The following GP1BB variants were observed in gnomAD, a reference collection of about 807,000 sequenced individuals.
The protein encoded by GP1BB is glycoprotein Ib platelet subunit beta, also known as platelet glycoprotein Ib beta chain.
GP1BB carries 3 observed loss-of-function variants against 2.5 expected under a neutral mutation model. The observed-to-expected ratio is 1.22, with a 90% CI of 0.56 to 3.15. The LOEUF is 3.15. GP1BB is among the 30% of genes most tolerant of loss of function. The pLI is 0.03. For synonymous variants in GP1BB, 191 were observed against 167.5 expected (o/e 1.14, Z -1.08); for missense variants, 316 against 307.0 (o/e 1.03, Z -0.22).
Position 19,724,666 on chromosome 22 carries a change from C to A in GP1BB, c.*202C>A. 1.7e-6 allele frequency: 1 copy of A among 597,444 alleles called. No homozygotes were observed. Among genetic ancestry groups the A allele is most frequent in the South Asian group, 1.9e-5 (1 of 53,974 alleles). 37.0% of individuals were successfully genotyped at this position (597,444 alleles called of 1,614,324 possible). A position where few individuals can be genotyped will look rare whatever the true frequency, so the allele number is the denominator to read the frequency against. On this transcript the variant is annotated 3_prime_UTR_variant, in exon 2 of 2. Coordinates refer to ENST00000366425, the MANE Select transcript of GP1BB (RefSeq NM_000407.5). ...CCTGCCCACCCTACCCCGAGGGAGGCGAACCCGCACTTCCAGGCTTGGGAG... is the reference window on the plus strand; with the variant it reads ...CCTGCCCACCCTACCCCGAGGGAGGAGAACCCGCACTTCCAGGCTTGGGAG...
Position 19,724,139 on chromosome 22 carries a change from C to G in GP1BB, c.296C>G (p.Pro99Arg). Residue 99 changes from proline to arginine, a missense_variant, in exon 2 of 2, where the codon CCG (proline) becomes CGG (arginine). Coordinates refer to ENST00000366425, the MANE Select transcript of GP1BB (RefSeq NM_000407.5). ...NPWRCDCRLV[P>R]LRAWLAGRPE... ...TGGCGCTGCGACTGCCGCCTTGTGC[C>G]GCTGCGCGCCTGGCTGGCCGGCCGC... 1.5e-6 allele frequency: 2 copies of G among 1,361,312 alleles called. No homozygotes were observed. Among genetic ancestry groups the G allele is most frequent in the East Asian group, 3.2e-5 (1 of 30,844 alleles). The allele number at this position is 1,361,312 out of a possible 1,614,324, so 84.3% of individuals were successfully genotyped here.
intron 1 of GP1BB, 110 bp from the exon 2 acceptor site, chr22:19,723,744 G>T: frequency 1.5e-6 from 2 of 1,324,322 alleles, no homozygotes; most frequent in Non-Finnish European, 2.1e-6. Flanking sequence ...CGGGCTACCG[G>T]GACGCCGGGC....
rs1309652503 is a variant in GP1BB at position 19,724,384 on chromosome 22, C to T, written c.541C>T (p.Arg181Trp). The change falls in exon 2 of 2, where the codon CGG becomes TGG. Residue 181 changes from arginine (R) to tryptophan (W), a missense_variant. Arg to Trp is a moderately radical substitution (Grantham distance 101). Coordinates refer to ENST00000366425, the MANE Select transcript of GP1BB (RefSeq NM_000407.5). ...LLCRLRRLRA[R>W]ARARAAARLS... ...GTGCCGCCTGCGGAGGCTGCGGGCC[C>T]GGGCCCGCGCTCGCGCCGCAGCCCG... 1.5e-5 allele frequency: 23 copies of T among 1,530,392 alleles called. No individual in the cohort carries two copies. The highest frequency in any genetic ancestry group is 6.1e-5 in the Admixed American group (3 of 49,312). The allele number at this position is 1,530,392 out of a possible 1,614,324, so 94.8% of individuals were successfully genotyped here.
In GP1BB at chr22:19,724,348, GTGC is replaced by G. The variant is rs1187547358; in HGVS notation, c.514_516del (p.Leu172del). ...TGGGCTGCTGCACGCGTTGCTGCTG[GTGC>G]TGCTGCTGTGCCGCCTGCGGAGGCT... On this transcript the variant is annotated inframe_deletion, in exon 2 of 2. Transcript: ENST00000366425. 2 of 1,474,998 alleles carry G rather than the reference GTGC, an allele frequency of 1.4e-6. No homozygotes were observed. The highest frequency in any genetic ancestry group is 2.7e-5 in the East Asian group (1 of 37,612). 91.4% of individuals were successfully genotyped at this position (1,474,998 alleles called of 1,614,324 possible). A position where few individuals can be genotyped will look rare whatever the true frequency, so the allele number is the denominator to read the frequency against.
In GP1BB at chr22:19,724,315, C is replaced by T. The variant is rs1936121215; in HGVS notation, c.472C>T (p.Leu158=). Residue 158 remains leucine (L), a synonymous_variant, in exon 2 of 2, where the codon CTG becomes TTG. Transcript: ENST00000366425. ...GGCGCTGGCGGCGCAGCTTGCGCTG[C>T]TGGGCCTTGGGCTGCTGCACGCGTT... is the stretch of plus-strand genomic sequence containing the variant. ...WGALAAQLAL[L]GLGLLHALLL... is the part of the protein sequence containing the mutation. 3.6e-6 allele frequency: 5 copies of T among 1,378,510 alleles called. No homozygotes were observed. In the African/African-American group the frequency reaches 6.2e-5, roughly 17 times the overall value. 85.4% of individuals were successfully genotyped at this position (1,378,510 alleles called of 1,614,324 possible).
chr22:19,724,354 C>T lies in GP1BB; in HGVS notation c.511C>T (p.Leu171=). Residue 171 remains leucine (L), a synonymous_variant, in exon 2 of 2, where the codon CTG becomes TTG. Transcript: ENST00000366425. ...GCTGCACGCGTTGCTGCTGGTGCTG[C>T]TGCTGTGCCGCCTGCGGAGGCTGCG... The part of the protein sequence containing the change: ...GLLHALLLVL[L]LCRLRRLRAR... 1 of 1,484,272 alleles carries T rather than the reference C, an allele frequency of 6.7e-7. No individual in the cohort carries two copies. The highest frequency in any genetic ancestry group is 8.9e-7 in the Non-Finnish European group (1 of 1,121,280). The allele number at this position is 1,484,272 out of a possible 1,614,324, so 91.9% of individuals were successfully genotyped here.
Position 19,723,867 on chromosome 22 carries a change from GCTGAGCTTA to G in GP1BB, c.28_36del (p.Ser10_Leu12del). ...CTTCCCTTGCAGGGCCGCGCGGGGC[GCTGAGCTTA>G]CTGCTCCTGCTGCTGGCCCCGCCGA... On this transcript the variant is annotated inframe_deletion, in exon 2 of 2. Transcript: ENST00000366425. The G allele has an allele frequency of 6.6e-7, 1 of 1,524,532 alleles. No individual in the cohort carries two copies. Among genetic ancestry groups the G allele is most frequent in the Non-Finnish European group, 8.8e-7 (1 of 1,142,610 alleles). The allele number at this position is 1,524,532 out of a possible 1,614,324, so 94.4% of individuals were successfully genotyped here.
chr22:19,723,640 G>A, intron 1 of GP1BB, 61 bp downstream of exon 1: 1 of 1,558,006 alleles, frequency 6.4e-7, no homozygotes, highest in Non-Finnish European at 8.7e-7. Flanking sequence ...GTTGAGAGGA[G>A]CTCTGGTCGT....
At position 19,724,351 on chromosome 22, in the gene GP1BB, C is replaced by CT; in HGVS notation, c.509dup (p.Leu171AlafsTer138). ...GCTGCTGCACGCGTTGCTGCTGGTG[C>CT]TGCTGCTGTGCCGCCTGCGGAGGCT... On this transcript the variant is annotated frameshift_variant, in exon 2 of 2. Transcript: ENST00000366425. LOFTEE classifies it low-confidence loss of function (END_TRUNC). 2 of 1,476,990 alleles carry CT rather than the reference C, an allele frequency of 1.4e-6. No individual in the cohort carries two copies. Among genetic ancestry groups the CT allele is most frequent in the Non-Finnish European group, 1.8e-6 (2 of 1,117,762 alleles). 91.5% of individuals were successfully genotyped at this position (1,476,990 alleles called of 1,614,324 possible).
chr22:19,724,251 G>C lies in GP1BB; in HGVS notation c.408G>C (p.Glu136Asp). Residue 136 changes from glutamate to aspartate, a missense_variant, in exon 2 of 2, where the codon GAG (glutamate) becomes GAC (aspartate). Coordinates refer to ENST00000366425, the MANE Select transcript of GP1BB (RefSeq NM_000407.5). ...GRLLPYLAED[E>D]LRAACAPGPL... ...TGCTGCCCTATCTGGCCGAGGACGA[G>C]CTGCGCGCCGCTTGCGCTCCCGGCC... is the stretch of plus-strand genomic sequence containing the variant. The C allele has an allele frequency of 8.0e-7, 1 of 1,244,644 alleles. No individual in the cohort carries two copies. Among genetic ancestry groups the C allele is most frequent in the Non-Finnish European group, 1.0e-6 (1 of 998,448 alleles). The allele number at this position is 1,244,644 out of a possible 1,614,324, so 77.1% of individuals were successfully genotyped here.
Position 19,724,629 on chromosome 22 carries a change from T to C in GP1BB, c.*165T>C, listed in dbSNP as rs1936130660. On this transcript the variant is annotated 3_prime_UTR_variant, in exon 2 of 2. Coordinates refer to ENST00000366425, the MANE Select transcript of GP1BB (RefSeq NM_000407.5). ...ACCCCACCTGCAGGCCCAGACCACG[T>C]GGGACAGAACTCCTGCCCACCCTAC... 4.4e-5 allele frequency: 29 copies of C among 655,788 alleles called. No homozygotes were observed. In the East Asian group the frequency reaches 8.2e-4, roughly 18 times the overall value. The allele number at this position is 655,788 out of a possible 1,614,324, so 40.6% of individuals were successfully genotyped here.
rs1449620735 is a variant in GP1BB at position 19,724,202 on chromosome 22, C to A, written c.359C>A (p.Ala120Glu). Reference protein sequence around the residue: ...RAPYRDLRCVAPPALRGRLLP... With the variant: ...RAPYRDLRCVEPPALRGRLLP... ...CCCTACCGCGACCTGCGTTGCGTGG[C>A]GCCCCCAGCGCTGCGCGGCCGCCTG... is the stretch of plus-strand genomic sequence containing the variant. Residue 120 changes from alanine (A) to glutamate (E), a missense_variant, in exon 2 of 2, where the codon GCG (alanine) becomes GAG (glutamate). By Grantham distance (107) the Ala-to-Glu change is moderately radical. Transcript: ENST00000366425. 1.6e-5 allele frequency: 19 copies of A among 1,224,232 alleles called. No homozygotes were observed. Among genetic ancestry groups the A allele is most frequent in the Admixed American group, 4.4e-5 (1 of 22,516 alleles). 75.8% of individuals were successfully genotyped at this position (1,224,232 alleles called of 1,614,324 possible).
In GP1BB at chr22:19,724,534, C is replaced by G; in HGVS notation, c.*70C>G. On this transcript the variant is annotated 3_prime_UTR_variant, in exon 2 of 2. Coordinates refer to ENST00000366425, the MANE Select transcript of GP1BB (RefSeq NM_000407.5). ...CACGGGCCTGCAAACTCGACAGGAC[C>G]CTGCCCGAGGGGCCCTCGCGCCAAC... 8.9e-7 allele frequency: 1 copy of G among 1,122,060 alleles called. No homozygotes were observed. The highest frequency in any genetic ancestry group is 1.3e-6 in the Non-Finnish European group (1 of 759,910). The allele number at this position is 1,122,060 out of a possible 1,614,324, so 69.5% of individuals were successfully genotyped here. A position where few individuals can be genotyped will look rare whatever the true frequency, so the allele number is the denominator to read the frequency against.
At position 19,723,699 on chromosome 22, in the gene GP1BB, G is replaced by T. The variant is rs1237696811; in HGVS notation, c.10+120G>T. Reference sequence around the variant, plus strand: ...GGGTCAGACTTAGAGGGGACTTCCAGCCGGCGTGCGGGGTGGTCAGGGTGG... The same window carrying T: ...GGGTCAGACTTAGAGGGGACTTCCATCCGGCGTGCGGGGTGGTCAGGGTGG... On this transcript the variant is annotated intron_variant, in intron 1 of 1. Transcript: ENST00000366425. 4.4e-6 allele frequency: 6 copies of T among 1,357,800 alleles called. No homozygotes were observed. The Admixed American group carries it at 1.0e-4, about 23-fold the overall frequency. 84.1% of individuals were successfully genotyped at this position (1,357,800 alleles called of 1,614,324 possible).
rs1277631171 is a variant in GP1BB, at chr22:19,723,926, C to A, written c.83C>A (p.Ala28Glu). Residue 28 changes from alanine to glutamate, a missense_variant, in exon 2 of 2, where the codon GCG (alanine) becomes GAG (glutamate). Transcript: ENST00000366425. ...AGCCGCCCGGCCGCAGGTTGCCCGG[C>A]GCCCTGTAGCTGCGCGGGGACGCTC... ...PPSRPAAGCP[A>E]PCSCAGTLVD... 6.6e-7 allele frequency: 1 copy of A among 1,523,034 alleles called. No individual in the cohort carries two copies. Among genetic ancestry groups the A allele is most frequent in the Non-Finnish European group, 8.8e-7 (1 of 1,142,064 alleles). The allele number at this position is 1,523,034 out of a possible 1,614,324, so 94.3% of individuals were successfully genotyped here.
rs1284634226 is a variant in GP1BB, at chr22:19,723,595, G to T, written c.10+16G>T. 5 of 1,595,728 alleles carry T rather than the reference G, an allele frequency of 3.1e-6. No individual in the cohort carries two copies. The highest frequency in any genetic ancestry group is 4.3e-6 in the Non-Finnish European group (5 of 1,176,002). Reference sequence around the variant, plus strand: ...ATGGGCTCCGGTGAGTCTGGAGTCCGGTCGGGCCCCCGGCTGCTCCCTAGG... The same window carrying T: ...ATGGGCTCCGGTGAGTCTGGAGTCCTGTCGGGCCCCCGGCTGCTCCCTAGG... On this transcript the variant is annotated intron_variant, in intron 1 of 1. Transcript: ENST00000366425.
Position 19,724,168 on chromosome 22 carries a change from G to T in GP1BB, c.325G>T (p.Glu109Ter). Reference sequence around the variant, plus strand: ...GCGCGCCTGGCTGGCCGGCCGCCCCGAGCGTGCGCCCTACCGCGACCTGCG... The same window carrying T: ...GCGCGCCTGGCTGGCCGGCCGCCCCTAGCGTGCGCCCTACCGCGACCTGCG... The part of the protein sequence containing the change: ...PLRAWLAGRP[E>*]RAPYRDLRCV... Residue 109 changes from glutamate to a stop codon, truncating the protein, a stop_gained, in exon 2 of 2, where the codon GAG becomes TAG. Coordinates refer to ENST00000366425, the MANE Select transcript of GP1BB (RefSeq NM_000407.5). LOFTEE classifies it low-confidence loss of function (END_TRUNC). 1 of 1,289,754 alleles carries T rather than the reference G, an allele frequency of 7.8e-7. No individual in the cohort carries two copies. The allele number at this position is 1,289,754 out of a possible 1,614,324, so 79.9% of individuals were successfully genotyped here. A position where few individuals can be genotyped will look rare whatever the true frequency, so the allele number is the denominator to read the frequency against.
In GP1BB at chr22:19,724,168, G is replaced by C; in HGVS notation, c.325G>C (p.Glu109Gln). 1.6e-6 allele frequency: 2 copies of C among 1,289,760 alleles called. No individual in the cohort carries two copies. Among genetic ancestry groups the C allele is most frequent in the Non-Finnish European group, 2.0e-6 (2 of 1,021,198 alleles). 79.9% of individuals were successfully genotyped at this position (1,289,760 alleles called of 1,614,324 possible). A position where few individuals can be genotyped will look rare whatever the true frequency, so the allele number is the denominator to read the frequency against. ...GCGCGCCTGGCTGGCCGGCCGCCCC[G>C]AGCGTGCGCCCTACCGCGACCTGCG... ...PLRAWLAGRP[E>Q]RAPYRDLRCV... The change falls in exon 2 of 2, where the codon GAG becomes CAG. Residue 109 changes from glutamate to glutamine, a missense_variant. Coordinates refer to ENST00000366425, the MANE Select transcript of GP1BB (RefSeq NM_000407.5).
At position 19,724,335 on chromosome 22, in the gene GP1BB, C is replaced by T; in HGVS notation, c.492C>T (p.His164=). The T allele has an allele frequency of 1.4e-6, 2 of 1,452,000 alleles. No individual in the cohort carries two copies. Among genetic ancestry groups the T allele is most frequent in the East Asian group, 2.8e-5 (1 of 36,314 alleles). 89.9% of individuals were successfully genotyped at this position (1,452,000 alleles called of 1,614,324 possible). The change falls in exon 2 of 2, where the codon CAC becomes CAT. Residue 164 remains histidine, a synonymous_variant. Transcript: ENST00000366425. ...QLALLGLGLL[H]ALLLVLLLCR... is the part of the protein sequence containing the mutation. ...CGCTGCTGGGCCTTGGGCTGCTGCA[C>T]GCGTTGCTGCTGGTGCTGCTGCTGT...
Sources: gnomAD v4.1 joint callset for allele counts on GRCh38, gnomAD v4.1.1 for gene constraint, MANE v1.5 for transcripts, NCBI Gene and HGNC (gene_info 2026-07-23, HGNC 2026-07-21) for gene names.